Variants in QSER1 observed in about 807,000 individuals in gnomAD.
The protein encoded by QSER1 is glutamine and serine rich 1.
Under a neutral mutation model 158.5 loss-of-function variants are expected in QSER1, and 49 were observed. The observed-to-expected ratio is 0.31, with a 90% CI of 0.25 to 0.39. The LOEUF is 0.39. Among genes scored for constraint, QSER1 ranks in the 10% least tolerant of loss-of-function variants. The probability of loss-of-function intolerance (pLI) is 1.00; values close to 1 mark genes in which losing one functional copy is unlikely to be tolerated. For missense variants in QSER1, 1,754 were observed against 2,010.3 expected, an observed-to-expected ratio of 0.87 and a Z score of 2.44; for synonymous variants, 650 against 715.5, an observed-to-expected ratio of 0.91 and a Z score of 1.46.
intron 1 of QSER1, among the ~76,000 whole-genome samples, chr11:32,911,962 C>T (rs879604184): frequency 5.3e-5 from 8 of 152,152 alleles, no homozygotes; most frequent in South Asian, 4.1e-4. Flanking sequence ...AGATAAGTAA[C>T]ATCCTTGAGA....
intron 10 of QSER1, among the ~76,000 whole-genome samples, chr11:32,972,189 C>G (rs1488976474): frequency 6.6e-6 from 1 of 151,844 alleles, no homozygotes; most frequent in East Asian, 1.9e-4. Context: ...TTGCGCTTAT[C>G]GAATTTGGAC....
chr11:32,950,972 A>G (rs1258842995), intron 4 of QSER1, among the ~76,000 whole-genome samples: 1 of 152,164 alleles, frequency 6.6e-6, no homozygotes, highest in Non-Finnish European at 1.5e-5. Context: ...AGATTTTTGT[A>G]TGGATGTTTA....
At chr11:32,901,085 T>C (rs1006809019) in intron 1 of QSER1, among the ~76,000 whole-genome samples, 12 of 152,350 alleles carry the variant, frequency 7.9e-5, no homozygotes, top group African/African-American at 2.6e-4. Context: ...TCTGGAGTTA[T>C]AATGTTTGAG....
At chr11:32,957,754 G>A in intron 7 of QSER1, 115 bp from the exon 8 acceptor site, 1 of 816,622 alleles carries the variant, frequency 1.2e-6, no homozygotes, top group African/African-American at 1.7e-5. Context: ...ATATTTTGAA[G>A]GTATTGGTGA....
intron 1 of QSER1, among the ~76,000 whole-genome samples, chr11:32,914,376 A>C (rs896248787): frequency 6.6e-6 from 1 of 152,232 alleles, no homozygotes; most frequent in African/African-American, 2.4e-5. Flanking sequence ...CAACTATGAA[A>C]AGCTGATATA....
intron 6 of QSER1, 77 bp downstream of exon 6, chr11:32,955,489 A>AC: frequency 3.0e-6 from 2 of 667,112 alleles, no homozygotes; most frequent in Non-Finnish European, 5.1e-6. Flanking sequence ...ATATAGAAGT[A>AC]TTTTATATTG....
chr11:32,911,426 TAAA>T (rs1310467734), intron 1 of QSER1, among the ~76,000 whole-genome samples: 3 of 152,030 alleles, frequency 2.0e-5, no homozygotes, highest in Non-Finnish European at 4.4e-5. Context: ...AATAAAAAAA[TAAA>T]AAAGTACCAA....
At chr11:32,905,155 A>C (rs61889543) in intron 1 of QSER1, among the ~76,000 whole-genome samples, 3,708 of 152,326 alleles carry the variant, frequency 0.024, 71 homozygotes, top group South Asian at 0.049. Context: ...ATGGGGTGTA[A>C]CTAAACATAA....
chr11:32,964,849 G>A (rs1395845885), intron 8 of QSER1, among the ~76,000 whole-genome samples: 1 of 149,510 alleles, frequency 6.7e-6, no homozygotes, highest in Non-Finnish European at 1.5e-5. Context: ...GCTATTTAAG[G>A]GTGTGACTTG....
In QSER1 at chr11:32,934,628, G is replaced by A. The variant is rs768995323; in HGVS notation, c.3370G>A (p.Val1124Ile). The A allele has an allele frequency of 3.1e-6, 5 of 1,613,652 alleles. No homozygotes were observed. The highest frequency in any genetic ancestry group is 4.2e-6 in the Non-Finnish European group (5 of 1,179,996). ...ATCTGAAGAAGACAGTGAAGCTCCT[G>A]TTGATAGTACATTAAATAATAACAG... The part of the protein sequence containing the change: ...LESEEDSEAP[V>I]DSTLNNNRNQ... The change falls in exon 4 of 13, where the codon GTT becomes ATT. Residue 1124 changes from valine to isoleucine, a missense_variant. Transcript: ENST00000650167.
intron 4 of QSER1, among the ~76,000 whole-genome samples, chr11:32,939,948 A>C (rs1011828917): frequency 8.0e-6 from 1 of 124,380 alleles, no homozygotes; most frequent in Non-Finnish European, 1.7e-5. Flanking sequence ...GAAGACTGAG[A>C]TTTTTTTTTT....
At chr11:32,965,190 C>T (rs1184915145) in intron 8 of QSER1, among the ~76,000 whole-genome samples, 1 of 152,086 alleles carries the variant, frequency 6.6e-6, no homozygotes, top group Admixed American at 6.6e-5. Flanking sequence ...CAGTTCTCTG[C>T]AGTCTCAACC....
chr11:32,930,202 G>A (rs1225725322), intron 3 of QSER1, among the ~76,000 whole-genome samples: 1 of 152,150 alleles, frequency 6.6e-6, no homozygotes, highest in East Asian at 1.9e-4. Context: ...GAGCAGTAGA[G>A]TCAATTGATT....
rs776094251 is a variant in QSER1, at chr11:32,956,007, A to T, written c.4637A>T (p.Asp1546Val). 7 of 1,605,852 alleles carry T rather than the reference A, an allele frequency of 4.4e-6. No homozygotes were observed. The highest frequency in any genetic ancestry group is 6.0e-6 in the Non-Finnish European group (7 of 1,174,334). Reference protein sequence around the residue: ...ATNSYLGYFGDAKSKYKRIYV... With the variant: ...ATNSYLGYFGVAKSKYKRIYV... ...CCTCAGTATCTTGGATATTTTGGAG[A>T]TGCAAAGAGTAAATACAAAAGAATA... The change falls in exon 7 of 13, where the codon GAT (aspartate) becomes GTT (valine). Residue 1546 changes from aspartate (D) to valine (V), a missense_variant. By Grantham distance (152) the Asp-to-Val change is radical. Around this residue, in one of 2 missense-constraint regions of QSER1, gnomAD observed 1,707 missense variants for 1,919.6 expected, o/e 0.89. Coordinates refer to ENST00000650167, the MANE Select transcript of QSER1 (RefSeq NM_001076786.3).
At chr11:32,911,834 G>A (rs577685418) in intron 1 of QSER1, among the ~76,000 whole-genome samples, 153 of 152,264 alleles carry the variant, frequency 1.0e-3, no homozygotes, top group Middle Eastern at 3.4e-3. Context: ...CTTTATAGCA[G>A]TGTGAAAATG....
At position 32,977,577 on chromosome 11, in the gene QSER1, T is replaced by C. The variant is rs1417665244; in HGVS notation, c.*1103T>C. 1 of 152,678 alleles carries C rather than the reference T, an allele frequency of 6.5e-6. No homozygotes were observed. Among genetic ancestry groups the C allele is most frequent in the African/African-American group, 2.4e-5 (1 of 41,472 alleles). The allele number at this position is 152,678 out of a possible 1,614,324, so 9.5% of individuals were successfully genotyped here. On this transcript the variant is annotated 3_prime_UTR_variant, in exon 13 of 13. Transcript: ENST00000650167. ...ATTTGCAGTGTTAAACACAGCTTCC[T>C]TAACTCTTAGAACTGGAAGTTGTAG...
At position 32,954,092 on chromosome 11, in the gene QSER1, T is replaced by G. The variant is rs185923142; in HGVS notation, c.4413T>G (p.Asp1471Glu). The G allele has an allele frequency of 6.2e-7, 1 of 1,614,068 alleles. No individual in the cohort carries two copies. Among genetic ancestry groups the G allele is most frequent in the East Asian group, 2.2e-5 (1 of 44,886 alleles). ...QDTVAIEGFTDEEDTESGGEG... is the reference protein window; with the variant it reads ...QDTVAIEGFTEEEDTESGGEG... Reference sequence around the variant, plus strand: ...CTGTTGCCATAGAAGGTTTTACAGATGAGGAGGACACAGAAAGCGGAGGAG... The same window carrying G: ...CTGTTGCCATAGAAGGTTTTACAGAGGAGGAGGACACAGAAAGCGGAGGAG... The change falls in exon 5 of 13, where the codon GAT (aspartate) becomes GAG (glutamate). Residue 1471 changes from aspartate to glutamate, a missense_variant. Asp to Glu is a conservative substitution (Grantham distance 45). This residue lies in a region of QSER1 where 1,707 missense variants were observed against 1,919.6 expected (regional missense o/e 0.89). Transcript: ENST00000650167.
chr11:32,929,736 A>G (rs930084167), intron 3 of QSER1, among the ~76,000 whole-genome samples: 1 of 152,198 alleles, frequency 6.6e-6, no homozygotes, highest in Non-Finnish European at 1.5e-5. Context: ...TTACAATATG[A>G]TCATTAGATG....
chr11:32,936,051 T>C (rs949511812), intron 4 of QSER1, among the ~76,000 whole-genome samples: 2 of 152,218 alleles, frequency 1.3e-5, no homozygotes, highest in African/African-American at 4.8e-5. Context: ...AAATTTTTTT[T>C]TTTATACTTT....
Sources: gnomAD v4.1 joint callset for allele counts (sites outside exome capture counted in the v4.1 genomes callset) on GRCh38, gnomAD v4.1.1 for gene constraint, gnomAD v4.1.1 regional missense constraint, MANE v1.5 for transcripts, NCBI Gene and HGNC (gene_info 2026-07-23, HGNC 2026-07-21) for gene names.